The following GAREM1 variants were observed in gnomAD, a reference collection of about 807,000 sequenced individuals.
GAREM1 encodes GRB2 associated regulator of MAPK1 subtype 1.
A neutral mutation model predicts 71.3 loss-of-function variants in GAREM1; 26 were observed. The ratio of observed to expected loss-of-function variants is 0.36; its 90% CI spans 0.27 to 0.51. GAREM1 has a LOEUF of 0.51. GAREM1 is among the 20% of genes least tolerant of loss of function. GAREM1 has a pLI of 0.95. For missense variants in GAREM1, 1,026 were observed against 1,103.1 expected (o/e 0.93, Z 0.99); for synonymous variants, 440 against 433.2 (o/e 1.02, Z -0.20).
In GAREM1 at chr18:32,378,298, G is replaced by A. The variant is rs558376349; in HGVS notation, c.262+14597C>T. On this transcript the variant is annotated intron_variant, in intron 2 of 5. Coordinates refer to ENST00000269209, the MANE Select transcript of GAREM1 (RefSeq NM_001242409.2). ...GTGGATCACTTGAAGTCAGGAGTTC[G>A]AGACCAGCCAGGCCAACCTGGTGAA... Among the ~76,000 whole-genome samples, 4 of 151,956 alleles carry A rather than the reference G, an allele frequency of 2.6e-5. No individual in the cohort carries two copies. In the East Asian group the frequency reaches 5.8e-4, roughly 22 times the overall value.
intron 3 of GAREM1, among the ~76,000 whole-genome samples, chr18:32,304,290 G>C (rs2047228408): frequency 6.6e-6 from 1 of 151,724 alleles, no homozygotes; most frequent in Admixed American, 6.6e-5. Flanking sequence ...CTGGGTGACA[G>C]AGCGAGACTC....
chr18:32,335,455 A>C (rs2047581440), intron 2 of GAREM1, among the ~76,000 whole-genome samples: 1 of 152,180 alleles, frequency 6.6e-6, no homozygotes, highest in South Asian at 2.1e-4. Flanking sequence ...GTTACCTTTA[A>C]TGAAACAGTC....
At chr18:32,404,157 A>G (rs182406996) in intron 1 of GAREM1, among the ~76,000 whole-genome samples, 2 of 152,356 alleles carry the variant, frequency 1.3e-5, no homozygotes, top group Non-Finnish European at 2.9e-5. Flanking sequence ...TTGCATAACT[A>G]TAGTGCCTTT....
At chr18:32,410,797 C>T (rs1432927982) in intron 1 of GAREM1, among the ~76,000 whole-genome samples, 1 of 152,190 alleles carries the variant, frequency 6.6e-6, no homozygotes, top group African/African-American at 2.4e-5. Flanking sequence ...AATACGACTT[C>T]GGTTTTTTGT....
At chr18:32,353,987 A>G (rs2047779855) in intron 2 of GAREM1, among the ~76,000 whole-genome samples, 1 of 152,206 alleles carries the variant, frequency 6.6e-6, no homozygotes, top group Non-Finnish European at 1.5e-5. Context: ...AAGATGCCCT[A>G]TTGGTATATG....
intron 1 of GAREM1, among the ~76,000 whole-genome samples, chr18:32,440,875 G>A (rs887766923): frequency 3.3e-5 from 5 of 152,264 alleles, no homozygotes; most frequent in Admixed American, 6.5e-5. Context: ...AAATACCTTC[G>A]TTTATTTCAC....
Position 32,270,356 on chromosome 18 carries a change from C to T in GAREM1, c.1594G>A (p.Ala532Thr), listed in dbSNP as rs1005816888. ...GCGCTTCGGGGTGGAACAGGTGGGG[C>T]GTTCAGGAGCCGGCATTCTTCTCTG... ...AVREECRLLNAPPVPPRSAKP... is the reference protein window; with the variant it reads ...AVREECRLLNTPPVPPRSAKP... The change falls in exon 5 of 6, where the codon GCC becomes ACC. Residue 532 changes from alanine to threonine, a missense_variant. By Grantham distance (58) the Ala-to-Thr change is moderately conservative (BLOSUM62 0). Coordinates refer to ENST00000269209, the MANE Select transcript of GAREM1 (RefSeq NM_001242409.2). 1 of 1,613,346 alleles carries T rather than the reference C, an allele frequency of 6.2e-7. No homozygotes were observed. The highest frequency in any genetic ancestry group is 8.5e-7 in the Non-Finnish European group (1 of 1,179,804).
At chr18:32,418,913 T>G (rs946247203) in intron 1 of GAREM1, among the ~76,000 whole-genome samples, 2 of 152,224 alleles carry the variant, frequency 1.3e-5, no homozygotes, top group Non-Finnish European at 2.9e-5. Context: ...ACCACAAACT[T>G]AGCAGCTTAA....
chr18:32,291,300 CTTTTTA>C (rs1255987507), intron 3 of GAREM1, among the ~76,000 whole-genome samples: 1 of 123,194 alleles, frequency 8.1e-6, no homozygotes, highest in African/African-American at 3.0e-5. Context: ...TATACATTTT[CTTTTTA>C]TTTTTGTTAC....
chr18:32,288,309 G>T (rs1035515124), intron 3 of GAREM1, 106 bp from the exon 4 acceptor site: 2 of 851,924 alleles, frequency 2.3e-6, no homozygotes, highest in South Asian at 3.9e-5. Flanking sequence ...AAAATGCTGC[G>T]CTTTTCTTTA....
intron 2 of GAREM1, among the ~76,000 whole-genome samples, chr18:32,366,848 G>GAAAAACCAAAAAAA (rs2047932868): frequency 6.6e-6 from 1 of 152,204 alleles, no homozygotes. Flanking sequence ...CCAGTGGGTG[G>GAAAAACCAAAAAAA]AATTTGGGTC....
chr18:32,279,498 C>G (rs1283195709), intron 4 of GAREM1, among the ~76,000 whole-genome samples: 1 of 152,152 alleles, frequency 6.6e-6, no homozygotes, highest in African/African-American at 2.4e-5. Context: ...TTGCGTATTC[C>G]TTATGAGAAT....
At chr18:32,423,007 A>G (rs2048535656) in intron 1 of GAREM1, among the ~76,000 whole-genome samples, 1 of 152,242 alleles carries the variant, frequency 6.6e-6, no homozygotes, top group African/African-American at 2.4e-5. Context: ...CTATTCTATA[A>G]AATAAATGAG....
At chr18:32,364,017 TATATATA>T (rs1567980727) in intron 2 of GAREM1, among the ~76,000 whole-genome samples, 9 of 64,636 alleles carry the variant, frequency 1.4e-4, no homozygotes, top group African/African-American at 7.8e-4. Context: ...TATATATATA[TATATATA>T]TATGTTTTTT....
At chr18:32,449,861 G>A (rs2048818393) in intron 1 of GAREM1, among the ~76,000 whole-genome samples, 1 of 152,114 alleles carries the variant, frequency 6.6e-6, no homozygotes, top group South Asian at 2.1e-4. Flanking sequence ...CTTGAAGGGA[G>A]GAGAGTCTAT....
intron 1 of GAREM1, among the ~76,000 whole-genome samples, chr18:32,459,939 A>G (rs1292921007): frequency 6.6e-6 from 1 of 152,164 alleles, no homozygotes; most frequent in Non-Finnish European, 1.5e-5. Context: ...AGACTCTGTT[A>G]TAACGAGTGC....
At chr18:32,337,673 C>T (rs576570307) in intron 2 of GAREM1, among the ~76,000 whole-genome samples, 30 of 152,250 alleles carry the variant, frequency 2.0e-4, no homozygotes, top group African/African-American at 5.8e-4. Context: ...GTAAGTGATA[C>T]GAACTTTCAC....
At chr18:32,454,125 G>A (rs1234356257) in intron 1 of GAREM1, among the ~76,000 whole-genome samples, 1 of 152,076 alleles carries the variant, frequency 6.6e-6, no homozygotes, top group Non-Finnish European at 1.5e-5. Flanking sequence ...AGGGATGGAT[G>A]GTTCAGGGAA....
chr18:32,282,865 T>G (rs1045898961), intron 4 of GAREM1, among the ~76,000 whole-genome samples: 7 of 152,240 alleles, frequency 4.6e-5, no homozygotes, highest in Non-Finnish European at 4.4e-5. Flanking sequence ...AGAAGATTGC[T>G]CTTGAAGATT....
Sources: allele counts gnomAD v4.1 joint callset (sites outside exome capture counted in the v4.1 genomes callset), GRCh38; gene constraint gnomAD v4.1.1; transcripts MANE v1.5; gene names NCBI Gene and HGNC (gene_info 2026-07-23, HGNC 2026-07-21).